The following NLRP5 variants were observed in gnomAD, a reference collection of about 807,000 sequenced individuals.
The protein encoded by NLRP5 is NACHT, LRR and PYD domains-containing protein 5.
Under a neutral mutation model 113.1 loss-of-function variants are expected in NLRP5, and 93 were observed. The observed-to-expected ratio is 0.82, with a 90% CI of 0.70 to 0.98. The LOEUF (loss-of-function observed/expected upper bound fraction) is 0.98, where lower values mean the gene tolerates loss of function less well. Among genes scored for constraint, NLRP5 ranks in the 50% least tolerant of loss-of-function variants. NLRP5 has a pLI of 0.00. For missense variants in NLRP5, 1,808 were observed against 1,514.3 expected (o/e 1.19, Z -3.22); for synonymous variants, 751 against 600.7 (o/e 1.25, Z -3.66).
chr19:56,024,553 GTA>G lies in NLRP5; in HGVS notation c.680-2354_680-2353del, dbSNP rs1982761401. On this transcript the variant is annotated intron_variant, in intron 6 of 14. Transcript: ENST00000390649. ...TACATATGTATATGTATGTATATGTGTATATATGTATATATACACATATATAT... is the reference window on the plus strand; with the variant it reads ...TACATATGTATATGTATGTATATGTGTATATGTATATATACACATATATAT... 2.8e-5 allele frequency among the ~76,000 whole-genome samples: 4 copies of G among 143,120 alleles called. No homozygotes were observed. The South Asian group carries it at 8.9e-4, about 32-fold the overall frequency. The allele number at this position is 143,120 out of a possible 152,430, so 93.9% of individuals were successfully genotyped here.
intron 4 of NLRP5, among the ~76,000 whole-genome samples, chr19:56,016,159 T>C (rs1032546463): frequency 1.3e-5 from 2 of 152,122 alleles, no homozygotes; most frequent in South Asian, 2.1e-4. Context: ...TTTTTACTTA[T>C]TTATTTATTT....
intron 3 of NLRP5, 142 bp downstream of exon 3, chr19:56,008,995 G>A (rs1020043472): frequency 9.6e-6 from 7 of 728,596 alleles, no homozygotes; most frequent in African/African-American, 5.3e-5. Flanking sequence ...TGACCGGATG[G>A]GTTCTGAGGA....
At chr19:56,001,564 A>G (rs1286339163) in intron 1 of NLRP5, among the ~76,000 whole-genome samples, 1 of 152,168 alleles carries the variant, frequency 6.6e-6, no homozygotes, top group African/African-American at 2.4e-5. Flanking sequence ...GACGGGGGCT[A>G]AATACTGGGG....
intron 3 of NLRP5, among the ~76,000 whole-genome samples, chr19:56,012,482 A>G (rs1273090317): frequency 1.4e-5 from 2 of 144,242 alleles, no homozygotes; most frequent in Non-Finnish European, 3.0e-5. Flanking sequence ...AACTCGATGC[A>G]GGTTTACATA....
At chr19:56,058,014 G>A (rs978146091) in intron 13 of NLRP5, among the ~76,000 whole-genome samples, 1 of 143,924 alleles carries the variant, frequency 6.9e-6, no homozygotes, top group African/African-American at 2.6e-5. Flanking sequence ...GGCAACAAGA[G>A]TGAAATGCTA....
chr19:55,994,150 G>A, the NLRP5 span, among the ~76,000 whole-genome samples: 150,476 of 152,240 alleles, frequency 0.99, 74,376 homozygotes, highest in East Asian at 1. Flanking sequence ...TTTTTTGATA[G>A]TAGCCATTCC....
At chr19:56,005,967 AGATT>A (rs928651436) in intron 2 of NLRP5, among the ~76,000 whole-genome samples, 1 of 152,168 alleles carries the variant, frequency 6.6e-6, no homozygotes, top group African/African-American at 2.4e-5. Flanking sequence ...GGCAAAGATG[AGATT>A]GATTGTTTAA....
chr19:55,998,446 G>A (rs1981410725), upstream of NLRP5, among the ~76,000 whole-genome samples: 4 of 152,144 alleles, frequency 2.6e-5, no homozygotes, highest in South Asian at 8.3e-4. Context: ...AAGGTCAGGA[G>A]TTCGAGACCA....
At chr19:56,034,514 A>G (rs1407553872) in intron 9 of NLRP5, among the ~76,000 whole-genome samples, 3 of 152,222 alleles carry the variant, frequency 2.0e-5, no homozygotes, top group African/African-American at 4.8e-5. Flanking sequence ...AGTTTATTAC[A>G]TCTAGATTTG....
chr19:56,000,762 C>T (rs1195432564), intron 1 of NLRP5, among the ~76,000 whole-genome samples: 1 of 150,624 alleles, frequency 6.6e-6, no homozygotes, highest in African/African-American at 2.4e-5. Flanking sequence ...AATCTCAGCA[C>T]TTTGGGAGGC....
intron 9 of NLRP5, among the ~76,000 whole-genome samples, chr19:56,037,165 G>A (rs1394898529): frequency 6.6e-6 from 1 of 152,160 alleles, no homozygotes; most frequent in Non-Finnish European, 1.5e-5. Flanking sequence ...TGTTAGATTT[G>A]GGGGTGGATG....
intron 13 of NLRP5, 55 bp from the exon 14 acceptor site, chr19:56,058,185 T>C: frequency 7.5e-7 from 1 of 1,333,474 alleles, no homozygotes; most frequent in Non-Finnish European, 1.0e-6. Context: ...ACGGGTTGAA[T>C]GAAGGGTCCA....
chr19:56,030,342 C>A (rs974766571), intron 7 of NLRP5, among the ~76,000 whole-genome samples: 1 of 152,062 alleles, frequency 6.6e-6, no homozygotes, highest in Non-Finnish European at 1.5e-5. Context: ...TGTGCTCCAA[C>A]CTGGGTGACA....
chr19:56,053,955 C>A, intron 13 of NLRP5, 147 bp downstream of exon 13: 2 of 682,300 alleles, frequency 2.9e-6, no homozygotes, highest in East Asian at 2.7e-5. Context: ...CACCACAGAT[C>A]TGGGTATAAG....
chr19:56,044,864 T>C (rs1453436332), intron 11 of NLRP5, among the ~76,000 whole-genome samples: 1 of 152,244 alleles, frequency 6.6e-6, no homozygotes, highest in Admixed American at 6.5e-5. Context: ...CATTTGTTCG[T>C]GTCGTCTGTG....
chr19:55,994,515 A>C, the NLRP5 span, among the ~76,000 whole-genome samples: 2 of 152,178 alleles, frequency 1.3e-5, no homozygotes, highest in East Asian at 3.8e-4. Context: ...CTCCTGCCTC[A>C]GCCTCCCCAG....
At chr19:56,029,221 T>C (rs1453174819) in intron 7 of NLRP5, among the ~76,000 whole-genome samples, 1 of 139,250 alleles carries the variant, frequency 7.2e-6, no homozygotes, top group African/African-American at 2.5e-5. Flanking sequence ...ACATGGTGAG[T>C]GAGACTGTGG....
the NLRP5 span, chr19:55,987,879 G>T: frequency 6.2e-7 from 1 of 1,613,078 alleles, no homozygotes; most frequent in Non-Finnish European, 8.5e-7. Flanking sequence ...GACTTCACGG[G>T]AAAAAGTGAC....
In NLRP5 at chr19:56,050,551, G is replaced by A. The variant is rs779894593; in HGVS notation, c.3091G>A (p.Val1031Ile). Residue 1031 changes from valine (V) to isoleucine (I), a missense_variant, in exon 12 of 15, where the codon GTC becomes ATC. By Grantham distance (29) the Val-to-Ile change is conservative. Coordinates refer to ENST00000390649, the MANE Select transcript of NLRP5 (RefSeq NM_153447.4). ...CAATGGCGTGAAGCTTCTGTGCGAG[G>A]TCATGAGAGAACCATCTTGTCATCT... is the stretch of plus-strand genomic sequence containing the variant. 6.2e-7 allele frequency: 1 copy of A among 1,613,978 alleles called. No homozygotes were observed. The highest frequency in any genetic ancestry group is 1.1e-5 in the South Asian group (1 of 91,084).
Sources: allele counts gnomAD v4.1 joint callset (sites outside exome capture counted in the v4.1 genomes callset), GRCh38; gene constraint gnomAD v4.1.1; transcripts MANE v1.5; gene names NCBI Gene and HGNC (gene_info 2026-07-23, HGNC 2026-07-21).